GRIN2B: variants seen among roughly 807,000 people sequenced by gnomAD.
The protein encoded by GRIN2B is glutamate ionotropic receptor NMDA type subunit 2B, also known as glutamate receptor ionotropic, NMDA 2B.
GRIN2B carries 5 observed loss-of-function variants against 114.5 expected under a neutral mutation model. The observed-to-expected ratio is 0.04, with a 90% CI of 0.02 to 0.09. GRIN2B has a LOEUF of 0.09. Ranked by LOEUF, GRIN2B falls within the 10% of genes least tolerant of loss-of-function variation. The probability of loss-of-function intolerance (pLI) is 1.00; values close to 1 mark genes in which losing one functional copy is unlikely to be tolerated. For missense variants in GRIN2B, 1,108 were observed against 1,943.5 expected (o/e 0.57, Z 8.08); for synonymous variants, 787 against 745.1 (o/e 1.06, Z -0.92).
chr12:13,591,987 T>C (rs1345965285), intron 10 of GRIN2B, among the ~76,000 whole-genome samples: 1 of 152,182 alleles, frequency 6.6e-6, no homozygotes, highest in Non-Finnish European at 1.5e-5. Context: ...TCTTGGAACA[T>C]TTACTCATTT....
intron 2 of GRIN2B, among the ~76,000 whole-genome samples, chr12:13,868,323 A>G (rs1865857076): frequency 6.6e-6 from 1 of 152,150 alleles, no homozygotes; most frequent in Non-Finnish European, 1.5e-5. Context: ...TACACAATTT[A>G]GCAGGAGAAA....
chr12:13,711,472 C>A (rs1017544901), intron 4 of GRIN2B, among the ~76,000 whole-genome samples: 4 of 152,056 alleles, frequency 2.6e-5, no homozygotes, highest in African/African-American at 9.7e-5. Context: ...TTTTTGCAAT[C>A]TACTCATCTG....
At chr12:13,740,425 G>T (rs1863260475) in intron 4 of GRIN2B, among the ~76,000 whole-genome samples, 1 of 151,798 alleles carries the variant, frequency 6.6e-6, no homozygotes. Flanking sequence ...AAGAATGAAT[G>T]TAATTTTGTG....
At chr12:13,849,891 C>G (rs573791986) in intron 3 of GRIN2B, among the ~76,000 whole-genome samples, 2 of 152,308 alleles carry the variant, frequency 1.3e-5, no homozygotes, top group Admixed American at 1.3e-4. Context: ...TTACTTCTCT[C>G]ATGCATTGCC....
chr12:13,779,237 T>C (rs1395789107), intron 3 of GRIN2B, among the ~76,000 whole-genome samples: 1 of 152,070 alleles, frequency 6.6e-6, no homozygotes, highest in Non-Finnish European at 1.5e-5. Flanking sequence ...AGAGACGGAG[T>C]TTCACCACGT....
Position 13,863,295 on chromosome 12 carries a change from G to A in GRIN2B, c.411+2503C>T, listed in dbSNP as rs189588635. Among the ~76,000 whole-genome samples the A allele has an allele frequency of 1.9e-4, 29 of 152,310 alleles. No homozygotes were observed. In the East Asian group the frequency reaches 5.2e-3, roughly 27 times the overall value. On this transcript the variant is annotated intron_variant, in intron 3 of 13. Coordinates refer to ENST00000609686, the MANE Select transcript of GRIN2B (RefSeq NM_000834.5). ...TATGTTCTCTTGTAGTTAGACTCCAGTATTGCCTGATTATAAATCATGTAA... is the reference window on the plus strand; with the variant it reads ...TATGTTCTCTTGTAGTTAGACTCCAATATTGCCTGATTATAAATCATGTAA...
rs1949285241 is a variant in GRIN2B at position 13,607,368 on chromosome 12, T to TATATATA, written c.2010+1234_2010+1235insTATATAT. ...AATATATAAAATATATAATATATAT[T>TATATATA]ATATATTATATATATAATATATATT... On this transcript the variant is annotated intron_variant, in intron 10 of 13. Coordinates refer to ENST00000609686, the MANE Select transcript of GRIN2B (RefSeq NM_000834.5). 2.5e-4 allele frequency among the ~76,000 whole-genome samples: 8 copies of TATATATA among 32,474 alleles called. 1 individual carries two copies. The allele number at this position is 32,474 out of a possible 152,430, so 21.3% of individuals were successfully genotyped here. A position where few individuals can be genotyped will look rare whatever the true frequency, so the allele number is the denominator to read the frequency against.
chr12:13,817,519 G>A (rs141914134), intron 3 of GRIN2B, among the ~76,000 whole-genome samples: 1 of 152,278 alleles, frequency 6.6e-6, no homozygotes, highest in African/African-American at 2.4e-5. Flanking sequence ...ATAAACTTGG[G>A]ACATTAATTC....
intron 3 of GRIN2B, among the ~76,000 whole-genome samples, chr12:13,776,915 G>A (rs1049974518): frequency 4.6e-5 from 7 of 152,102 alleles, no homozygotes; most frequent in African/African-American, 1.7e-4. Flanking sequence ...ACTTAGAAAA[G>A]TGTAGCTTTG....
chr12:13,563,742 A>G lies in GRIN2B; in HGVS notation c.3496T>C (p.Ser1166Pro). ...GTACAGGGCCCTCCTCCGCTGACGG[A>G]GTCGCGCTTAAAGTCATCACTCCGC... is the stretch of plus-strand genomic sequence containing the variant. ...KERSDDFKRDSVSGGGPCTNR... is the reference protein window; with the variant it reads ...KERSDDFKRDPVSGGGPCTNR... The change falls in exon 14 of 14, where the codon TCC becomes CCC. Residue 1166 changes from serine (S) to proline (P), a missense_variant. Physicochemically the swap from Ser to Pro is moderately conservative, Grantham distance 74. Transcript: ENST00000609686. The G allele has an allele frequency of 6.2e-7, 1 of 1,613,918 alleles. No homozygotes were observed. The highest frequency in any genetic ancestry group is 8.5e-7 in the Non-Finnish European group (1 of 1,180,024).
chr12:13,980,925 GCCCCGCGCGCACTCACACTCAC>G (rs1377455273), intron 1 of GRIN2B, among the ~76,000 whole-genome samples: 10 of 151,938 alleles, frequency 6.6e-5, no homozygotes, highest in African/African-American at 1.4e-4. Flanking sequence ...ACGCGCACGC[GCCCCGCGCGCACTCACACTCAC>G]CCCCGCGCAC....
intron 2 of GRIN2B, among the ~76,000 whole-genome samples, chr12:13,942,161 G>A (rs1218515556): frequency 2.0e-5 from 3 of 152,132 alleles, no homozygotes; most frequent in Admixed American, 6.5e-5. Flanking sequence ...AGACTTCATC[G>A]GGGGTCATAA....
At chr12:13,962,023 A>C (rs1867700987) in intron 2 of GRIN2B, among the ~76,000 whole-genome samples, 2 of 151,578 alleles carry the variant, frequency 1.3e-5, no homozygotes, top group Admixed American at 1.3e-4. Flanking sequence ...ATATACCCTA[A>C]AGTTCTTATA....
At chr12:13,809,567 C>T (rs1292641579) in intron 3 of GRIN2B, among the ~76,000 whole-genome samples, 1 of 152,136 alleles carries the variant, frequency 6.6e-6, no homozygotes, top group Non-Finnish European at 1.5e-5. Flanking sequence ...CAGAGAACCA[C>T]TTGCCAAAGA....
intron 2 of GRIN2B, among the ~76,000 whole-genome samples, chr12:13,957,772 G>A (rs1000835239): frequency 5.3e-5 from 8 of 152,152 alleles, no homozygotes; most frequent in Admixed American, 3.9e-4. Context: ...CAGGCTCTGC[G>A]GAGGCCCATC....
At chr12:13,716,575 A>G (rs571537921) in intron 4 of GRIN2B, among the ~76,000 whole-genome samples, 141 of 152,038 alleles carry the variant, frequency 9.3e-4, no homozygotes, top group African/African-American at 3.2e-3. Context: ...ATTGATGTCG[A>G]ATTTTTCAAG....
At chr12:13,704,331 T>C (rs1950339524) in intron 4 of GRIN2B, among the ~76,000 whole-genome samples, 1 of 152,084 alleles carries the variant, frequency 6.6e-6, no homozygotes, top group African/African-American at 2.4e-5. Context: ...GAGAAGGGCA[T>C]GGGCTGATGA....
At chr12:13,858,045 T>C (rs1394988889) in intron 3 of GRIN2B, among the ~76,000 whole-genome samples, 2 of 152,178 alleles carry the variant, frequency 1.3e-5, no homozygotes, top group Admixed American at 6.5e-5. Context: ...CACAGACTCA[T>C]TTGTTTAAGC....
intron 4 of GRIN2B, among the ~76,000 whole-genome samples, chr12:13,739,647 A>T (rs2136614781): frequency 6.6e-6 from 1 of 151,168 alleles, no homozygotes; most frequent in Non-Finnish European, 1.5e-5. Flanking sequence ...CTGATGAGAA[A>T]GATTCTGAAA....
Sources: allele counts gnomAD v4.1 joint callset (sites outside exome capture counted in the v4.1 genomes callset), GRCh38; gene constraint gnomAD v4.1.1; transcripts MANE v1.5; gene names NCBI Gene and HGNC (gene_info 2026-07-23, HGNC 2026-07-21).